Variants in INPP5A observed in about 807,000 individuals in gnomAD.
The protein encoded by INPP5A is inositol polyphosphate-5-phosphatase A, also known as 43 kDa inositol polyphosphate 5-phophatase.
INPP5A carries 14 observed loss-of-function variants against 65.2 expected under a neutral mutation model. The observed-to-expected ratio is 0.21, with a 90% CI of 0.14 to 0.34. INPP5A has a LOEUF of 0.34. INPP5A is among the 10% of genes least tolerant of loss of function. The probability of loss-of-function intolerance (pLI) is 1.00; values close to 1 mark genes in which losing one functional copy is unlikely to be tolerated. For synonymous variants in INPP5A, 207 were observed against 208.3 expected (o/e 0.99, Z 0.05); for missense variants, 431 against 545.6 (o/e 0.79, Z 2.09).
chr10:132,692,461 A>G (rs913333497), intron 5 of INPP5A, among the ~76,000 whole-genome samples: 8 of 152,190 alleles, frequency 5.3e-5, no homozygotes, highest in Admixed American at 2.6e-4. Flanking sequence ...ACCAAGCAGG[A>G]TAAATGCCAG....
At chr10:132,656,746 T>C (rs1408426078) in intron 4 of INPP5A, among the ~76,000 whole-genome samples, 2 of 152,198 alleles carry the variant, frequency 1.3e-5, no homozygotes, top group East Asian at 3.9e-4. Flanking sequence ...ATTTTTCACA[T>C]GCAGCAGCTG....
chr10:132,728,731 G>A (rs1246824928), intron 9 of INPP5A, among the ~76,000 whole-genome samples: 1 of 152,264 alleles, frequency 6.6e-6, no homozygotes, highest in Non-Finnish European at 1.5e-5. Context: ...AGCTTGGAAA[G>A]GGCCTTTTCC....
intron 11 of INPP5A, among the ~76,000 whole-genome samples, chr10:132,758,934 C>G (rs148419360): frequency 2.4e-3 from 367 of 152,270 alleles, no homozygotes; most frequent in African/African-American, 8.3e-3. Context: ...TGAAAAGGAT[C>G]GGAAAGCTGG....
chr10:132,695,734 A>G (rs983505522), intron 5 of INPP5A, among the ~76,000 whole-genome samples: 40 of 152,248 alleles, frequency 2.6e-4, no homozygotes, highest in African/African-American at 6.8e-4. Context: ...AATTAAAAAC[A>G]TAATACCATT....
intron 6 of INPP5A, among the ~76,000 whole-genome samples, chr10:132,702,668 T>A (rs1473190991): frequency 6.6e-6 from 1 of 152,174 alleles, no homozygotes; most frequent in Non-Finnish European, 1.5e-5. Flanking sequence ...ACTGCCTGCC[T>A]GGAAGCAGGA....
At chr10:132,769,998 CGGT>C (rs1048887788) in intron 12 of INPP5A, among the ~76,000 whole-genome samples, 3 of 152,352 alleles carry the variant, frequency 2.0e-5, no homozygotes, top group Admixed American at 2.0e-4. Context: ...GATGGCTCCT[CGGT>C]GGCCGCTCCA....
chr10:132,677,705 G>A (rs1042802104), intron 4 of INPP5A, among the ~76,000 whole-genome samples: 1 of 152,228 alleles, frequency 6.6e-6, no homozygotes, highest in Non-Finnish European at 1.5e-5. Context: ...GGCCAGCGAG[G>A]GCGATTAAGC....
intron 1 of INPP5A, among the ~76,000 whole-genome samples, chr10:132,544,883 C>T (rs561856322): frequency 1.1e-4 from 16 of 152,100 alleles, no homozygotes; most frequent in Admixed American, 2.6e-4. Flanking sequence ...TTTTATCAGT[C>T]TCTAGAGTTG....
intron 2 of INPP5A, among the ~76,000 whole-genome samples, chr10:132,630,975 G>T (rs186476076): frequency 2.4e-4 from 36 of 152,274 alleles, no homozygotes; most frequent in Admixed American, 2.3e-3. Context: ...CCCTATCTCT[G>T]GGGGGAAGGC....
At chr10:132,557,540 C>G (rs2071142984) in intron 1 of INPP5A, among the ~76,000 whole-genome samples, 1 of 152,178 alleles carries the variant, frequency 6.6e-6, no homozygotes, top group Admixed American at 6.5e-5. Context: ...TGTGTAGGGC[C>G]GAGTCAATTT....
In INPP5A at chr10:132,718,067, G is replaced by C. The variant is rs1416747051; in HGVS notation, c.647+7611G>C. Among the ~76,000 whole-genome samples the C allele has an allele frequency of 1.0e-3, 136 of 131,190 alleles. 2 individuals carry two copies. Among genetic ancestry groups the C allele is most frequent in the African/African-American group, 3.7e-3 (126 of 34,506 alleles). The allele number at this position is 131,190 out of a possible 152,430, so 86.1% of individuals were successfully genotyped here. On this transcript the variant is annotated intron_variant, in intron 8 of 15. Transcript: ENST00000368594. ...GGCTGTCTTGCGGGTTCTGTGGTGC[G>C]TGGGTTCTGTCTGGGTGCCTTAGAC...
At position 132,545,395 on chromosome 10, in the gene INPP5A, G is replaced by A. The variant is rs1311904804; in HGVS notation, c.75+7224G>A. ...GGGCTGCCTACGGCAGGAGACGGCA[G>A]GTCTCTCTGAGCTGTGGGGCTCACG... On this transcript the variant is annotated intron_variant, in intron 1 of 15. Coordinates refer to ENST00000368594, the MANE Select transcript of INPP5A (RefSeq NM_005539.5). The surrounding 1 kb of genome is among the most constrained non-coding windows in gnomAD (Gnocchi z 4.6). 6.6e-6 allele frequency among the ~76,000 whole-genome samples: 1 copy of A among 152,192 alleles called. No individual in the cohort carries two copies. Among genetic ancestry groups the A allele is most frequent in the Non-Finnish European group, 1.5e-5 (1 of 68,032 alleles).
rs1042933810 is a variant in INPP5A at position 132,659,716 on chromosome 10, G to A, written c.306+9211G>A. On this transcript the variant is annotated intron_variant, in intron 4 of 15. Transcript: ENST00000368594. The surrounding 1 kb of genome is among the most constrained non-coding windows in gnomAD (Gnocchi z 5.5). The stretch of plus-strand genomic sequence containing the variant: ...CAGGAGAACAACCCACTTGGCAGGC[G>A]GCAACCTTGCCTGGCACTCACCAGG... Among the ~76,000 whole-genome samples the A allele has an allele frequency of 6.6e-6, 1 of 152,200 alleles. No individual in the cohort carries two copies. The highest frequency in any genetic ancestry group is 1.5e-5 in the Non-Finnish European group (1 of 68,030).
chr10:132,539,934 C>A (rs1382084355), intron 1 of INPP5A, among the ~76,000 whole-genome samples: 1 of 152,202 alleles, frequency 6.6e-6, no homozygotes, highest in Non-Finnish European at 1.5e-5. Flanking sequence ...ATTATACTGA[C>A]CTGCTGGGGA....
rs997396654 is a variant in INPP5A, at chr10:132,675,888, C to T, written c.307-14504C>T. ...TGGCCATCTCTTAAAGTGCATTTTA[C>T]TTTAATTATTCTATATCCATAATGC... On this transcript the variant is annotated intron_variant, in intron 4 of 15. Coordinates refer to ENST00000368594, the MANE Select transcript of INPP5A (RefSeq NM_005539.5). The surrounding 1 kb of genome is among the most constrained non-coding windows in gnomAD (Gnocchi z 4.2). Among the ~76,000 whole-genome samples, 1 of 152,278 alleles carries T rather than the reference C, an allele frequency of 6.6e-6. No homozygotes were observed. The highest frequency in any genetic ancestry group is 2.1e-4 in the South Asian group (1 of 4,828).
chr10:132,635,287 T>G (rs1017305179), intron 2 of INPP5A, among the ~76,000 whole-genome samples: 2 of 152,136 alleles, frequency 1.3e-5, no homozygotes, highest in African/African-American at 2.4e-5. Context: ...TACACTGGTT[T>G]TTGTACCCTT....
chr10:132,667,518 T>C (rs2072821673), intron 4 of INPP5A, among the ~76,000 whole-genome samples: 1 of 152,214 alleles, frequency 6.6e-6, no homozygotes, highest in Non-Finnish European at 1.5e-5. Context: ...GTTAATCTGC[T>C]TTGCTGAAGC....
chr10:132,759,957 G>A (rs551744452), intron 11 of INPP5A, among the ~76,000 whole-genome samples: 14 of 152,326 alleles, frequency 9.2e-5, no homozygotes, highest in Non-Finnish European at 1.5e-4. Context: ...GCGGCCTCAC[G>A]ACTTCGGTGC....
chr10:132,743,931 G>A (rs1010077556), intron 9 of INPP5A, among the ~76,000 whole-genome samples: 4 of 152,212 alleles, frequency 2.6e-5, no homozygotes, highest in Non-Finnish European at 5.9e-5. Context: ...ATGGCTGAGC[G>A]TGTGGTCCCG....
Sources: gnomAD v4.1 joint callset for allele counts (sites outside exome capture counted in the v4.1 genomes callset) on GRCh38, gnomAD v4.1.1 for gene constraint, Gnocchi (gnomAD v3.1) non-coding constraint, MANE v1.5 for transcripts, NCBI Gene and HGNC (gene_info 2026-07-23, HGNC 2026-07-21) for gene names.